PHLPP2: variants seen among roughly 807,000 people sequenced by gnomAD.
PHLPP2 encodes the protein PH domain and leucine rich repeat protein phosphatase 2, also known as PH domain leucine-rich repeat-containing protein phosphatase 2.
In PHLPP2, 66 loss-of-function variants were observed where a neutral mutation model predicts 124.9. The ratio of observed to expected loss-of-function variants is 0.53; its 90% CI spans 0.43 to 0.65. The LOEUF is 0.65. Among genes scored for constraint, PHLPP2 ranks in the 30% least tolerant of loss-of-function variants. The pLI, the probability that PHLPP2 is intolerant of heterozygous loss-of-function variation, is 0.00. For synonymous variants in PHLPP2, 681 were observed against 624.7 expected (o/e 1.09, Z -1.34); for missense variants, 1,685 against 1,600.4 (o/e 1.05, Z -0.90).
At chr16:71,665,021 T>C (rs560211284) in intron 12 of PHLPP2, among the ~76,000 whole-genome samples, 2 of 152,206 alleles carry the variant, frequency 1.3e-5, no homozygotes, top group African/African-American at 4.8e-5. Flanking sequence ...TATGAAATTA[T>C]ACTTCCGGCT....
intron 4 of PHLPP2, among the ~76,000 whole-genome samples, chr16:71,689,640 C>T (rs374754830): frequency 6.6e-6 from 1 of 151,762 alleles, no homozygotes; most frequent in Admixed American, 6.6e-5. Context: ...TCAAGTGATC[C>T]GCCCACCTAG....
chr16:71,661,410 C>A (rs774068978), intron 13 of PHLPP2, among the ~76,000 whole-genome samples: 3 of 152,060 alleles, frequency 2.0e-5, no homozygotes, highest in Non-Finnish European at 4.4e-5. Flanking sequence ...TTTTCATTTT[C>A]TTTGATATGT....
chr16:71,696,920 T>A (rs2045177091), intron 3 of PHLPP2, among the ~76,000 whole-genome samples: 1 of 151,988 alleles, frequency 6.6e-6, no homozygotes, highest in East Asian at 1.9e-4. Flanking sequence ...ACACCTGTAA[T>A]CCCAGCACAT....
At chr16:71,652,742 C>T (rs1404231874) in intron 18 of PHLPP2, 48 bp downstream of exon 18, 1 of 1,363,968 alleles carries the variant, frequency 7.3e-7, no homozygotes, top group East Asian at 2.3e-5. Flanking sequence ...ACAAAGCAGC[C>T]TCCACTGATT....
At chr16:71,671,303 G>T (rs1179791080) in intron 10 of PHLPP2, among the ~76,000 whole-genome samples, 2 of 152,118 alleles carry the variant, frequency 1.3e-5, no homozygotes, top group African/African-American at 4.8e-5. Context: ...CTACACGTCA[G>T]GTACTATCTT....
chr16:71,713,844 G>C lies in PHLPP2; in HGVS notation c.284+668C>G, dbSNP rs755698759. Among the ~76,000 whole-genome samples the C allele has an allele frequency of 2.0e-5, 3 of 151,668 alleles. No homozygotes were observed. The South Asian group carries it at 6.2e-4, about 31-fold the overall frequency. ...GGTAATAACTATCAAGAACAGGCCTGGGTAGTTGGGGAATGAGGGACAGAA... is the reference window on the plus strand; with the variant it reads ...GGTAATAACTATCAAGAACAGGCCTCGGTAGTTGGGGAATGAGGGACAGAA... On this transcript the variant is annotated intron_variant, in intron 2 of 18. Transcript: ENST00000568954.
intron 13 of PHLPP2, among the ~76,000 whole-genome samples, chr16:71,659,846 A>C (rs2044773336): frequency 6.6e-6 from 1 of 152,246 alleles, no homozygotes; most frequent in Non-Finnish European, 1.5e-5. Context: ...AAAAATAAAG[A>C]AATACATCAC....
Position 71,658,529 on chromosome 16 carries a change from T to C in PHLPP2, c.2148+124A>G, listed in dbSNP as rs113071730. 62 of 1,228,534 alleles carry C rather than the reference T, an allele frequency of 5.0e-5. 1 individual carries two copies. The African/African-American group carries it at 5.1e-4, about 10-fold the overall frequency. 76.1% of individuals were successfully genotyped at this position (1,228,534 alleles called of 1,614,324 possible). The stretch of plus-strand genomic sequence containing the variant: ...ACTGGAGCACATAAGAAGACAATAA[T>C]ATTTTTCCTTATAAGAATAATCTCA... On this transcript the variant is annotated intron_variant, in intron 14 of 18. Transcript: ENST00000568954.
chr16:71,704,636 T>C (rs1287091476), intron 2 of PHLPP2, among the ~76,000 whole-genome samples: 1 of 151,892 alleles, frequency 6.6e-6, no homozygotes, highest in African/African-American at 2.4e-5. Flanking sequence ...ACATGGGGAA[T>C]GATCAAAGAA....
chr16:71,670,530 G>T (rs1463968477), intron 10 of PHLPP2, among the ~76,000 whole-genome samples: 1 of 152,156 alleles, frequency 6.6e-6, no homozygotes, highest in Non-Finnish European at 1.5e-5. Flanking sequence ...AGCAGATGGG[G>T]ACTGAAGAAA....
At chr16:71,702,797 T>A in intron 2 of PHLPP2, 66 bp from the exon 3 acceptor site, 1 of 1,054,550 alleles carries the variant, frequency 9.5e-7, no homozygotes, top group Non-Finnish European at 1.3e-6. Flanking sequence ...TTTAATTTTT[T>A]AGTATTTTTA....
At chr16:71,700,991 T>C (rs951509751) in intron 3 of PHLPP2, among the ~76,000 whole-genome samples, 3 of 152,084 alleles carry the variant, frequency 2.0e-5, no homozygotes, top group South Asian at 4.2e-4. Context: ...TAGGAAGCCC[T>C]ATGGAAAGAT....
At chr16:71,664,189 C>T (rs1399401575) in intron 12 of PHLPP2, 90 bp from the exon 13 acceptor site, 5 of 875,994 alleles carry the variant, frequency 5.7e-6, no homozygotes, top group Non-Finnish European at 7.6e-6. Flanking sequence ...GTATGGAATG[C>T]TGCCATTCTA....
At chr16:71,714,828 G>A (rs369341062) in intron 1 of PHLPP2, 27 bp from the exon 2 acceptor site, 125 of 1,592,412 alleles carry the variant, frequency 7.8e-5, no homozygotes, top group Non-Finnish European at 1.0e-4. Flanking sequence ...GAAAGAAATC[G>A]TTAGCTAGAA....
intron 1 of PHLPP2, among the ~76,000 whole-genome samples, chr16:71,722,935 C>T (rs2045407510): frequency 6.6e-6 from 1 of 152,236 alleles, no homozygotes; most frequent in Non-Finnish European, 1.5e-5. Context: ...CCTTCGTAAA[C>T]TTACTTCTCA....
rs751946290 is a variant in PHLPP2, at chr16:71,649,717, G to A, written c.3145C>T (p.Leu1049Phe). Residue 1049 changes from leucine (L) to phenylalanine (F), a missense_variant, in exon 19 of 19, where the codon CTC becomes TTC. Coordinates refer to ENST00000568954, the MANE Select transcript of PHLPP2 (RefSeq NM_015020.3). Reference protein sequence around the residue: ...GCTCEMNGLTLPGPVGFASTT... With the variant: ...GCTCEMNGLTFPGPVGFASTT... ...GAAGCAAATCCCACAGGACCTGGGAGGGTGAGCCCATTCATTTCACAAGTG... is the reference window on the plus strand; with the variant it reads ...GAAGCAAATCCCACAGGACCTGGGAAGGTGAGCCCATTCATTTCACAAGTG... The A allele has an allele frequency of 1.2e-6, 2 of 1,614,174 alleles. No homozygotes were observed. Among genetic ancestry groups the A allele is most frequent in the Non-Finnish European group, 1.7e-6 (2 of 1,180,006 alleles).
chr16:71,683,493 T>C lies in PHLPP2; in HGVS notation c.735+983A>G, dbSNP rs191807772. Among the ~76,000 whole-genome samples, 488 of 152,314 alleles carry C rather than the reference T, an allele frequency of 3.2e-3. 3 individuals carry two copies. The highest frequency in any genetic ancestry group is 5.3e-3 in the Non-Finnish European group (358 of 68,020). On this transcript the variant is annotated intron_variant, in intron 5 of 18. Transcript: ENST00000568954. ...GGACCCAAGTTATGGAATGAATCCA[T>C]CTATCACTGACTATTACGGTTGAGG... is the stretch of plus-strand genomic sequence containing the variant.
At chr16:71,690,768 G>T in intron 3 of PHLPP2, 59 bp from the exon 4 acceptor site, 1 of 1,191,980 alleles carries the variant, frequency 8.4e-7, no homozygotes, top group Non-Finnish European at 1.2e-6. Context: ...ATACAGAAAT[G>T]GAAAAAGAAA....
intron 3 of PHLPP2, among the ~76,000 whole-genome samples, chr16:71,695,953 T>C (rs949918728): frequency 2.0e-5 from 3 of 152,160 alleles, no homozygotes; most frequent in African/African-American, 7.2e-5. Flanking sequence ...TTAATGGACT[T>C]AGGAGGTGAT....
Sources: gnomAD v4.1 joint callset for allele counts (sites outside exome capture counted in the v4.1 genomes callset) on GRCh38, gnomAD v4.1.1 for gene constraint, MANE v1.5 for transcripts, NCBI Gene and HGNC (gene_info 2026-07-23, HGNC 2026-07-21) for gene names.